Variants in CCDC149 observed in about 807,000 individuals in gnomAD.
CCDC149 encodes the protein coiled-coil domain-containing protein 149.
A neutral mutation model predicts 59.9 loss-of-function variants in CCDC149; 45 were observed. That is an observed-to-expected ratio of 0.75 (90% CI 0.59 to 0.96). CCDC149 has a LOEUF of 0.96. Among genes scored for constraint, CCDC149 ranks in the 40% least tolerant of loss-of-function variants. CCDC149 has a pLI of 0.00. For missense variants in CCDC149, 584 were observed against 664.7 expected (o/e 0.88, Z 1.33); for synonymous variants, 245 against 260.6 (o/e 0.94, Z 0.58).
chr4:24,862,167 T>C (rs1171745103), intron 3 of CCDC149, among the ~76,000 whole-genome samples: 2 of 152,168 alleles, frequency 1.3e-5, no homozygotes, highest in Admixed American at 6.5e-5. Context: ...CTCAAAGTGA[T>C]AAACATATGC....
At chr4:24,885,566 T>C (rs930522970) in intron 1 of CCDC149, among the ~76,000 whole-genome samples, 140 of 152,280 alleles carry the variant, frequency 9.2e-4, no homozygotes, top group Non-Finnish European at 1.9e-4. Flanking sequence ...GGTGCCGGAA[T>C]CACATCAGTG....
intron 1 of CCDC149, among the ~76,000 whole-genome samples, chr4:24,896,176 A>G (rs1484818206): frequency 6.6e-6 from 1 of 152,116 alleles, no homozygotes; most frequent in African/African-American, 2.4e-5. Flanking sequence ...TGAGCATTTC[A>G]CGAACACTCT....
chr4:24,827,181 C>T (rs772952396), intron 9 of CCDC149: 9 of 152,190 alleles, frequency 5.9e-5, no homozygotes, highest in Non-Finnish European at 1.2e-4. Context: ...CACTACCGTG[C>T]TCGCTCTCTG....
At chr4:24,931,331 A>ATATATATATCTCTC (rs1394185015) in intron 1 of CCDC149, among the ~76,000 whole-genome samples, 4 of 147,526 alleles carry the variant, frequency 2.7e-5, no homozygotes, top group African/African-American at 7.5e-5. Context: ...ATATATATAT[A>ATATATATATCTCTC]TCTCAGTACA....
At chr4:24,818,102 G>A (rs573726769) in intron 12 of CCDC149, among the ~76,000 whole-genome samples, 2 of 152,264 alleles carry the variant, frequency 1.3e-5, no homozygotes, top group South Asian at 4.1e-4. Context: ...AAAAAAATGA[G>A]GGCCTGAACC....
At chr4:24,863,529 C>G (rs541643428) in intron 3 of CCDC149, among the ~76,000 whole-genome samples, 2 of 152,310 alleles carry the variant, frequency 1.3e-5, no homozygotes, top group Admixed American at 1.3e-4. Flanking sequence ...GGCTTCTAAC[C>G]TCACAGGCTG....
At chr4:24,913,284 A>G (rs1432654960), upstream of CCDC149, among the ~76,000 whole-genome samples, 1 of 152,112 alleles carries the variant, frequency 6.6e-6, no homozygotes, top group Non-Finnish European at 1.5e-5. Flanking sequence ...GCAAGAAGCA[A>G]ATCCCCAAAT....
Position 24,941,254 on chromosome 4 carries a change from G to A in CCDC149, c.-65+38815C>T, listed in dbSNP as rs1170623930. ...AGGATTAAGAAACTCACTCAAAACT[G>A]CTCAACTACATGGAAACTGAACAAC... On this transcript the variant is annotated intron_variant, in intron 1 of 12. Coordinates refer to the CCDC149 transcript ENST00000389609. 2.2e-4 allele frequency among the ~76,000 whole-genome samples: 34 copies of A among 152,196 alleles called. No individual in the cohort carries two copies. The South Asian group carries it at 7.1e-3, about 32-fold the overall frequency.
At chr4:24,887,543 T>C (rs1720259479) in intron 1 of CCDC149, among the ~76,000 whole-genome samples, 1 of 152,130 alleles carries the variant, frequency 6.6e-6, no homozygotes, top group Non-Finnish European at 1.5e-5. Context: ...CACTCATAAC[T>C]GCCCTTGCCT....
chr4:24,875,518 T>C (rs1719360924), intron 2 of CCDC149, among the ~76,000 whole-genome samples: 1 of 151,652 alleles, frequency 6.6e-6, no homozygotes, highest in Non-Finnish European at 1.5e-5. Flanking sequence ...TTTTTTTTTT[T>C]GAGAAGGGTT....
chr4:24,868,788 T>C (rs1181409737), intron 3 of CCDC149, among the ~76,000 whole-genome samples: 2 of 152,122 alleles, frequency 1.3e-5, no homozygotes, highest in South Asian at 2.1e-4. Context: ...GACACACCCA[T>C]GGGTGCTCCC....
At chr4:24,834,812 T>G (rs1167500239) in intron 8 of CCDC149, 136 bp downstream of exon 8, 1 of 543,726 alleles carries the variant, frequency 1.8e-6, no homozygotes, top group Non-Finnish European at 3.2e-6. Context: ...CTGATGCACG[T>G]GGAAGTCGGG....
intron 9 of CCDC149, chr4:24,827,917 T>C (rs1483295855): frequency 1.3e-5 from 2 of 152,182 alleles, no homozygotes; most frequent in Non-Finnish European, 2.9e-5. Flanking sequence ...TTTTCTAAGA[T>C]TGCAATTGGG....
At chr4:24,936,425 A>T (rs1722780896) in intron 1 of CCDC149, among the ~76,000 whole-genome samples, 1 of 152,030 alleles carries the variant, frequency 6.6e-6, no homozygotes, top group South Asian at 2.1e-4. Context: ...TTATTTTTTA[A>T]ATGTGTAATT....
intron 1 of CCDC149, among the ~76,000 whole-genome samples, chr4:24,945,498 A>T (rs1180015681): frequency 6.6e-6 from 1 of 152,168 alleles, no homozygotes; most frequent in Non-Finnish European, 1.5e-5. Context: ...TCCCCGTCAG[A>T]GCCTTCAAAG....
intron 1 of CCDC149, among the ~76,000 whole-genome samples, chr4:24,932,023 T>A (rs1722609797): frequency 6.6e-6 from 1 of 151,846 alleles, no homozygotes; most frequent in African/African-American, 2.4e-5. Flanking sequence ...GGCTTACAGG[T>A]GAGAAAACCG....
chr4:24,968,402 C>G (rs1047377882), intron 1 of CCDC149, among the ~76,000 whole-genome samples: 30 of 152,188 alleles, frequency 2.0e-4, no homozygotes, highest in African/African-American at 6.8e-4. Flanking sequence ...TAACAAATTC[C>G]CAGACTGGGA....
At chr4:24,852,336 GTCT>G (rs1484208335) in intron 4 of CCDC149, among the ~76,000 whole-genome samples, 1 of 136,878 alleles carries the variant, frequency 7.3e-6, no homozygotes, top group African/African-American at 2.8e-5. Context: ...ACACACTATA[GTCT>G]TCTTGAGTCC....
At chr4:24,825,166 G>A (rs994435486) in intron 9 of CCDC149, among the ~76,000 whole-genome samples, 1 of 152,202 alleles carries the variant, frequency 6.6e-6, no homozygotes, top group African/African-American at 2.4e-5. Context: ...GCTACAGGCT[G>A]CAGGGGATAA....
Sources: allele counts gnomAD v4.1 joint callset (sites outside exome capture counted in the v4.1 genomes callset), GRCh38; gene constraint gnomAD v4.1.1; transcripts MANE v1.5; gene names NCBI Gene and HGNC (gene_info 2026-07-23, HGNC 2026-07-21).